MED12L: variants seen among roughly 807,000 people sequenced by gnomAD.
MED12L encodes mediator complex subunit 12L.
In MED12L, 60 loss-of-function variants were observed where a neutral mutation model predicts 281.3. The ratio of observed to expected loss-of-function variants is 0.21; its 90% CI spans 0.17 to 0.26. The LOEUF (loss-of-function observed/expected upper bound fraction) is 0.26. Among genes scored for constraint, MED12L ranks in the 10% least tolerant of loss-of-function variants. The pLI is 1.00. For missense variants in MED12L, 2,146 were observed against 2,680.9 expected, an observed-to-expected ratio of 0.80 and a Z score of 4.41; for synonymous variants, 974 against 987.2, an observed-to-expected ratio of 0.99 and a Z score of 0.25.
At chr3:151,321,461 G>A (rs1748986907) in intron 16 of MED12L, among the ~76,000 whole-genome samples, 1 of 152,102 alleles carries the variant, frequency 6.6e-6, no homozygotes, top group Non-Finnish European at 1.5e-5. Context: ...TTAAAGACCA[G>A]TGACATTATG....
At chr3:151,340,527 G>GA (rs1459262042) in intron 16 of MED12L, 1 of 152,488 alleles carries the variant, frequency 6.6e-6, no homozygotes, top group African/African-American at 2.4e-5. Context: ...GAGAAACTTG[G>GA]AAAAAATGTA....
rs568318694 is a variant in MED12L, at chr3:151,428,261, C to T, written c.6409-2038C>T. On this transcript the variant is annotated intron_variant, in intron 43 of 44. Transcript: ENST00000687756. The stretch of plus-strand genomic sequence containing the variant: ...GACACATAGAATGTCTGGAACAGTA[C>T]CTGGCACATAGTACAATAGTTTCCC... 1.2e-4 allele frequency among the ~76,000 whole-genome samples: 19 copies of T among 152,220 alleles called. No individual in the cohort carries two copies. The East Asian group carries it at 3.7e-3, about 29-fold the overall frequency.
rs1409397066 is a variant in MED12L, at chr3:151,432,829, G to A, written c.*25G>A. On this transcript the variant is annotated 3_prime_UTR_variant, in exon 45 of 45. Transcript: ENST00000687756. ...AATCTGCAAGAGGAGAAGACATGACGTTTTATGTTTGCACTGAAAAACAGA... is the reference window on the plus strand; with the variant it reads ...AATCTGCAAGAGGAGAAGACATGACATTTTATGTTTGCACTGAAAAACAGA... 3.8e-6 allele frequency: 6 copies of A among 1,591,158 alleles called. No individual in the cohort carries two copies. The highest frequency in any genetic ancestry group is 2.7e-5 in the African/African-American group (2 of 74,372).
intron 23 of MED12L, 85 bp from the exon 24 acceptor site, chr3:151,367,561 A>G: frequency 8.0e-7 from 1 of 1,246,146 alleles, no homozygotes; most frequent in Non-Finnish European, 1.1e-6. Context: ...TCTTATTGGT[A>G]TTGCCTGCAT....
At chr3:151,381,189 T>C (rs1404374035) in intron 32 of MED12L, among the ~76,000 whole-genome samples, 1 of 152,202 alleles carries the variant, frequency 6.6e-6, no homozygotes, top group Non-Finnish European at 1.5e-5. Flanking sequence ...TGACCCCTTC[T>C]TGTGGCACTG....
chr3:151,239,649 A>G (rs1315180794), intron 16 of MED12L, among the ~76,000 whole-genome samples: 1 of 152,228 alleles, frequency 6.6e-6, no homozygotes, highest in Non-Finnish European at 1.5e-5. Context: ...ATAGGTATAC[A>G]CAAAAGCTCT....
In MED12L at chr3:151,192,537, T is replaced by C; in HGVS notation, c.1969-13T>C. 6.6e-7 allele frequency: 1 copy of C among 1,509,952 alleles called. No individual in the cohort carries two copies. Among genetic ancestry groups the C allele is most frequent in the Non-Finnish European group, 8.9e-7 (1 of 1,123,166 alleles). The allele number at this position is 1,509,952 out of a possible 1,614,324, so 93.5% of individuals were successfully genotyped here. On this transcript the variant is annotated splice_polypyrimidine_tract_variant and intron_variant, in intron 14 of 44. Coordinates refer to ENST00000687756, the MANE Select transcript of MED12L (RefSeq NM_001393769.1). ...AACTTACAATGTTACTTTCTTTCTC[T>C]GGCGATTATCAGGAACAGAGTATTA...
At chr3:151,100,073 C>A (rs868867921) in intron 2 of MED12L, among the ~76,000 whole-genome samples, 1 of 152,160 alleles carries the variant, frequency 6.6e-6, no homozygotes, top group African/African-American at 2.4e-5. Context: ...TCAGTCTGAG[C>A]GAGGCTGAAC....
intron 16 of MED12L, chr3:151,329,102 G>T: frequency 1.2e-6 from 1 of 837,378 alleles, no homozygotes; most frequent in Non-Finnish European, 1.9e-6. Context: ...TATGTTTATA[G>T]CATATTAACA....
chr3:151,264,856 G>A (rs2149516730), intron 16 of MED12L, among the ~76,000 whole-genome samples: 1 of 152,254 alleles, frequency 6.6e-6, no homozygotes, highest in East Asian at 1.9e-4. Context: ...TGACCAGCTG[G>A]CCCTGCCTGG....
intron 5 of MED12L, among the ~76,000 whole-genome samples, chr3:151,128,967 G>A (rs932712705): frequency 6.6e-6 from 1 of 152,214 alleles, no homozygotes; most frequent in African/African-American, 2.4e-5. Flanking sequence ...TTTCTAGACT[G>A]TGACTTCTTG....
chr3:151,380,663 C>A (rs1012731274), intron 32 of MED12L, among the ~76,000 whole-genome samples: 2 of 151,430 alleles, frequency 1.3e-5, no homozygotes, highest in East Asian at 1.9e-4. Flanking sequence ...GAGAAACAAT[C>A]CATGCCTTAT....
chr3:151,123,511 C>CTT (rs1362112469), intron 4 of MED12L, among the ~76,000 whole-genome samples: 4 of 152,056 alleles, frequency 2.6e-5, no homozygotes, highest in Non-Finnish European at 4.4e-5. Context: ...GTGGGAGGTT[C>CTT]TTTTAAAATC....
chr3:151,193,007 C>T (rs969648554), intron 15 of MED12L, among the ~76,000 whole-genome samples: 2 of 151,860 alleles, frequency 1.3e-5, no homozygotes, highest in South Asian at 4.2e-4. Context: ...TGGCTTTGGG[C>T]CTATTATGCA....
At chr3:151,237,514 T>C (rs1041506348) in intron 16 of MED12L, among the ~76,000 whole-genome samples, 6 of 151,560 alleles carry the variant, frequency 4.0e-5, no homozygotes, top group Non-Finnish European at 7.4e-5. Context: ...CATGCCTGGC[T>C]AATTTTTTGT....
At chr3:151,382,868 C>T (rs768405441) in intron 33 of MED12L, 123 bp downstream of exon 33, 51 of 679,626 alleles carry the variant, frequency 7.5e-5, no homozygotes, top group Non-Finnish European at 1.1e-4. Context: ...ACTCTTTGCT[C>T]TCTGTAATTA....
chr3:151,416,234 G>T, intron 42 of MED12L, 78 bp from the exon 43 acceptor site: 2 of 1,610,214 alleles, frequency 1.2e-6, no homozygotes, highest in Non-Finnish European at 8.5e-7. Context: ...TTAGATAAAA[G>T]GTATATGGGG....
intron 16 of MED12L, among the ~76,000 whole-genome samples, chr3:151,194,358 G>A (rs1724374661): frequency 6.6e-6 from 1 of 152,122 alleles, no homozygotes. Context: ...GAGTTTTGAG[G>A]CATAGGAAAG....
chr3:151,365,241 A>T, intron 22 of MED12L, 35 bp downstream of exon 22: 1 of 1,555,002 alleles, frequency 6.4e-7, no homozygotes, highest in Non-Finnish European at 8.9e-7. Flanking sequence ...ATGATTAACC[A>T]AAGAGTTGTT....
Sources: allele counts gnomAD v4.1 joint callset (sites outside exome capture counted in the v4.1 genomes callset), GRCh38; gene constraint gnomAD v4.1.1; transcripts MANE v1.5; gene names NCBI Gene and HGNC (gene_info 2026-07-23, HGNC 2026-07-21).